Variants in GALNTL6 observed in about 807,000 individuals in gnomAD.
GALNTL6 encodes polypeptide N-acetylgalactosaminyltransferase like 6, also known as polypeptide N-acetylgalactosaminyltransferase-like 6.
A neutral mutation model predicts 73.7 loss-of-function variants in GALNTL6; 46 were observed. The observed-to-expected ratio is 0.62, with a 90% CI of 0.49 to 0.80. The LOEUF is 0.80. GALNTL6 is among the 30% of genes least tolerant of loss of function. The probability of loss-of-function intolerance (pLI) is 0.00; values close to 1 mark genes in which losing one functional copy is unlikely to be tolerated. For synonymous variants in GALNTL6, 259 were observed against 263.7 expected, an observed-to-expected ratio of 0.98 and a Z score of 0.17; for missense variants, 604 against 755.0, an observed-to-expected ratio of 0.80 and a Z score of 2.34.
chr4:172,714,825 G>T (rs1321139051), intron 5 of GALNTL6, among the ~76,000 whole-genome samples: 1 of 152,046 alleles, frequency 6.6e-6, no homozygotes, highest in African/African-American at 2.4e-5. Context: ...CATCTTAGAA[G>T]ACTTTATGAT....
intron 7 of GALNTL6, among the ~76,000 whole-genome samples, chr4:172,831,055 A>G (rs1742601021): frequency 3.6e-5 from 1 of 27,664 alleles, no homozygotes; most frequent in South Asian, 2.4e-3. Context: ...GCTACTGAGG[A>G]GGCTGAGGCA....
At chr4:172,734,038 G>T (rs1463753495) in intron 5 of GALNTL6, among the ~76,000 whole-genome samples, 2 of 152,164 alleles carry the variant, frequency 1.3e-5, no homozygotes, top group African/African-American at 4.8e-5. Context: ...GGACAATAAA[G>T]TCCAGACTCA....
At chr4:172,374,873 T>C (rs1451899114) in intron 5 of GALNTL6, among the ~76,000 whole-genome samples, 1 of 152,188 alleles carries the variant, frequency 6.6e-6, no homozygotes, top group African/African-American at 2.4e-5. Flanking sequence ...CCCTAGACCA[T>C]GTAGGATATC....
At chr4:172,986,709 AAG>A (rs1162156776) in intron 10 of GALNTL6, among the ~76,000 whole-genome samples, 12 of 152,230 alleles carry the variant, frequency 7.9e-5, no homozygotes, top group African/African-American at 2.9e-4. Flanking sequence ...GATTTTTAAT[AAG>A]AGATATTTCT....
chr4:172,581,286 C>T (rs577340305), intron 5 of GALNTL6, among the ~76,000 whole-genome samples: 1 of 152,288 alleles, frequency 6.6e-6, no homozygotes, highest in African/African-American at 2.4e-5. Context: ...AGTGTGCATG[C>T]ATACTAAGTC....
intron 5 of GALNTL6, among the ~76,000 whole-genome samples, chr4:172,660,231 C>T (rs964249760): frequency 6.6e-6 from 1 of 152,194 alleles, no homozygotes; most frequent in African/African-American, 2.4e-5. Flanking sequence ...CAGTATTCTA[C>T]AGCACTGGCA....
intron 7 of GALNTL6, among the ~76,000 whole-genome samples, chr4:172,872,123 GA>G (rs1176821414): frequency 2.0e-5 from 3 of 152,186 alleles, no homozygotes; most frequent in African/African-American, 7.2e-5. Flanking sequence ...AAAAGATACA[GA>G]GATATTTGGG....
intron 3 of GALNTL6, among the ~76,000 whole-genome samples, chr4:172,307,266 G>T (rs557803835): frequency 6.6e-6 from 1 of 152,138 alleles, no homozygotes; most frequent in Non-Finnish European, 1.5e-5. Flanking sequence ...TCCTTTGTCA[G>T]ACACATAGTT....
chr4:172,939,503 G>T (rs1020729379), intron 9 of GALNTL6, among the ~76,000 whole-genome samples: 7 of 152,082 alleles, frequency 4.6e-5, no homozygotes, highest in Non-Finnish European at 8.8e-5. Flanking sequence ...AAAGATAAAT[G>T]TCATCTCTAA....
At chr4:172,573,089 A>G (rs986353777) in intron 5 of GALNTL6, among the ~76,000 whole-genome samples, 5 of 152,128 alleles carry the variant, frequency 3.3e-5, no homozygotes, top group African/African-American at 9.7e-5. Context: ...CGGCTACATG[A>G]TTTGTCAAAT....
chr4:172,832,652 A>T (rs1323860044), intron 7 of GALNTL6, among the ~76,000 whole-genome samples: 1 of 152,114 alleles, frequency 6.6e-6, no homozygotes, highest in Non-Finnish European at 1.5e-5. Context: ...TGTGTAATTC[A>T]CCCCAGGAGC....
Position 171,888,931 on chromosome 4 carries a change from A to G in GALNTL6, c.138+74213A>G, listed in dbSNP as rs139863157. ...AAACACGTTCTATGATTTGTTGTAT[A>G]GTTCTTTGCCAAAAAATAAGTGTGC... On this transcript the variant is annotated intron_variant, in intron 2 of 12. Transcript: ENST00000506823. Among the ~76,000 whole-genome samples, 21 of 152,256 alleles carry G rather than the reference A, an allele frequency of 1.4e-4. No homozygotes were observed. The East Asian group carries it at 3.7e-3, about 27-fold the overall frequency.
At chr4:172,519,685 G>A (rs909713102) in intron 5 of GALNTL6, among the ~76,000 whole-genome samples, 6 of 151,584 alleles carry the variant, frequency 4.0e-5, no homozygotes, top group Non-Finnish European at 8.9e-5. Flanking sequence ...AGTACTGAGC[G>A]AAATAGATTG....
intron 5 of GALNTL6, among the ~76,000 whole-genome samples, chr4:172,378,433 A>G (rs1391845911): frequency 1.3e-5 from 2 of 152,232 alleles, no homozygotes; most frequent in African/African-American, 2.4e-5. Context: ...GGAAACAGTT[A>G]AGCACAAAAT....
intron 5 of GALNTL6, among the ~76,000 whole-genome samples, chr4:172,391,693 CAT>C (rs1157736772): frequency 2.0e-4 from 30 of 146,658 alleles, no homozygotes; most frequent in Non-Finnish European, 4.4e-4. Flanking sequence ...CATTGGGTGA[CAT>C]TGGGAGTGTT....
chr4:172,656,089 A>G (rs993357358), intron 5 of GALNTL6, among the ~76,000 whole-genome samples: 1 of 152,238 alleles, frequency 6.6e-6, no homozygotes. Context: ...ACAGAGGCCA[A>G]TACCATGGCA....
In GALNTL6 at chr4:171,856,458, T is replaced by C. The variant is rs115407744; in HGVS notation, c.138+41740T>C. Among the ~76,000 whole-genome samples, 853 of 152,242 alleles carry C rather than the reference T, an allele frequency of 5.6e-3. 10 individuals carry two copies. The highest frequency in any genetic ancestry group is 0.019 in the African/African-American group (786 of 41,556). ...TAATGTCCATTTAATCAATTTTTTATGAATCATATATTTGGTGTCGTATCT... is the reference window on the plus strand; with the variant it reads ...TAATGTCCATTTAATCAATTTTTTACGAATCATATATTTGGTGTCGTATCT... On this transcript the variant is annotated intron_variant, in intron 2 of 12. Transcript: ENST00000506823.
At chr4:172,647,922 C>T (rs1314336167) in intron 5 of GALNTL6, among the ~76,000 whole-genome samples, 1 of 152,114 alleles carries the variant, frequency 6.6e-6, no homozygotes, top group African/African-American at 2.4e-5. Flanking sequence ...ATGTCAGACA[C>T]TTGTCAAGGA....
intron 5 of GALNTL6, among the ~76,000 whole-genome samples, chr4:172,536,475 G>A (rs148041732): frequency 6.6e-6 from 1 of 152,316 alleles, no homozygotes; most frequent in East Asian, 1.9e-4. Context: ...GGTGATATCA[G>A]ATGGAGATGA....
Sources: allele counts gnomAD v4.1 joint callset (sites outside exome capture counted in the v4.1 genomes callset), GRCh38; gene constraint gnomAD v4.1.1; transcripts MANE v1.5; gene names NCBI Gene and HGNC (gene_info 2026-07-23, HGNC 2026-07-21).